Variants in RIMS1 observed in about 807,000 individuals in gnomAD.
RIMS1 encodes regulating synaptic membrane exocytosis protein 1.
A neutral mutation model predicts 214.1 loss-of-function variants in RIMS1; 83 were observed. The ratio of observed to expected loss-of-function variants is 0.39; its 90% CI spans 0.32 to 0.47. RIMS1 has a LOEUF of 0.47. RIMS1 is among the 20% of genes least tolerant of loss of function. The pLI is 0.99. For missense variants in RIMS1, 2,050 were observed against 2,161.8 expected (o/e 0.95, Z 1.03); for synonymous variants, 793 against 786.8 (o/e 1.01, Z -0.13).
intron 29 of RIMS1, among the ~76,000 whole-genome samples, chr6:72,348,698 G>A (rs1467541626): frequency 3.3e-5 from 5 of 151,788 alleles, no homozygotes; most frequent in Admixed American, 2.0e-4. Context: ...CACTGTACCC[G>A]ATAGGTACTT....
intron 2 of RIMS1, among the ~76,000 whole-genome samples, chr6:72,007,755 G>A (rs1486789341): frequency 1.3e-5 from 2 of 152,148 alleles, no homozygotes; most frequent in East Asian, 1.9e-4. Context: ...GAAATGAAGC[G>A]AGAAGAGAAG....
rs577989932 is a variant in RIMS1, at chr6:71,899,663, C to T, written c.164+12476C>T. Among the ~76,000 whole-genome samples the T allele has an allele frequency of 2.0e-5, 3 of 152,226 alleles. No homozygotes were observed. In the East Asian group the frequency reaches 5.8e-4, roughly 29 times the overall value. ...ATTTGTATGATCTAGACATGACTTG[C>T]ATTACCTTTTGCACCCACAGCCCTT... is the stretch of plus-strand genomic sequence containing the variant. On this transcript the variant is annotated intron_variant, in intron 1 of 33. Coordinates refer to ENST00000521978, the MANE Select transcript of RIMS1 (RefSeq NM_014989.7).
chr6:72,122,371 A>T (rs953732533), intron 4 of RIMS1, among the ~76,000 whole-genome samples: 6 of 150,360 alleles, frequency 4.0e-5, no homozygotes, highest in Non-Finnish European at 7.4e-5. Flanking sequence ...CACCTGGCTA[A>T]TTTTTTTTGT....
At chr6:72,212,105 A>G (rs1329377169) in intron 6 of RIMS1, among the ~76,000 whole-genome samples, 3 of 152,134 alleles carry the variant, frequency 2.0e-5, no homozygotes, top group African/African-American at 4.8e-5. Context: ...ATCCAAAACA[A>G]TAATAACTAC....
chr6:72,072,681 CAA>C (rs996893036), intron 2 of RIMS1, among the ~76,000 whole-genome samples: 1 of 151,966 alleles, frequency 6.6e-6, no homozygotes, highest in African/African-American at 2.4e-5. Flanking sequence ...CAAAGATGAG[CAA>C]AAAAAGATTC....
intron 2 of RIMS1, among the ~76,000 whole-genome samples, chr6:72,078,736 C>G (rs555911482): frequency 6.6e-6 from 1 of 152,202 alleles, no homozygotes; most frequent in Admixed American, 6.5e-5. Flanking sequence ...TTCTCAGCAT[C>G]TGAACCAATT....
chr6:72,158,329 T>C (rs80330913), intron 4 of RIMS1, among the ~76,000 whole-genome samples: 2,076 of 141,288 alleles, frequency 0.015, 424 homozygotes, highest in Non-Finnish European at 0.024. Context: ...TCTTCTGTTA[T>C]GTTGAGAAGT....
chr6:72,051,231 G>T (rs185652947), intron 2 of RIMS1, among the ~76,000 whole-genome samples: 346 of 152,182 alleles, frequency 2.3e-3, no homozygotes, highest in Non-Finnish European at 2.5e-3. Context: ...TTTGAACTTG[G>T]CCCTGGAAAT....
intron 22 of RIMS1, among the ~76,000 whole-genome samples, chr6:72,269,505 A>G (rs542639961): frequency 6.6e-6 from 1 of 152,272 alleles, no homozygotes; most frequent in African/African-American, 2.4e-5. Context: ...TCAGGCCTAA[A>G]TTTCTAAATG....
intron 2 of RIMS1, among the ~76,000 whole-genome samples, chr6:71,982,738 C>T (rs1798818451): frequency 1.3e-5 from 2 of 152,072 alleles, no homozygotes; most frequent in African/African-American, 2.4e-5. Flanking sequence ...ATATTTCAGG[C>T]TCTCCTTTTT....
At chr6:72,107,433 T>C (rs893909365) in intron 4 of RIMS1, among the ~76,000 whole-genome samples, 1 of 152,088 alleles carries the variant, frequency 6.6e-6, no homozygotes, top group Non-Finnish European at 1.5e-5. Flanking sequence ...TGGTGGCAGG[T>C]GCCTGTACTA....
At chr6:71,937,092 C>T (rs889868590) in intron 1 of RIMS1, among the ~76,000 whole-genome samples, 1 of 151,694 alleles carries the variant, frequency 6.6e-6, no homozygotes, top group Non-Finnish European at 1.5e-5. Flanking sequence ...TCTGCTTCAA[C>T]TTACCTGTGT....
At chr6:72,332,426 A>T (rs1205607598) in intron 28 of RIMS1, among the ~76,000 whole-genome samples, 1 of 150,778 alleles carries the variant, frequency 6.6e-6, no homozygotes, top group Admixed American at 6.6e-5. Flanking sequence ...TCAGTAAACT[A>T]TCGCAAGGAC....
At chr6:71,897,405 C>T (rs1562144412) in intron 1 of RIMS1, among the ~76,000 whole-genome samples, 1 of 152,172 alleles carries the variant, frequency 6.6e-6, no homozygotes, top group Admixed American at 6.5e-5. Flanking sequence ...ACTTTGTAAT[C>T]TGGATCCTAC....
At chr6:72,042,758 T>C (rs2152092297) in intron 2 of RIMS1, among the ~76,000 whole-genome samples, 1 of 151,858 alleles carries the variant, frequency 6.6e-6, no homozygotes, top group South Asian at 2.1e-4. Context: ...TCTAATGGAG[T>C]TGCCTTTCCC....
chr6:72,234,104 A>G (rs1379482526), intron 7 of RIMS1, among the ~76,000 whole-genome samples: 1 of 152,036 alleles, frequency 6.6e-6, no homozygotes, highest in Admixed American at 6.6e-5. Context: ...ACAAGTCAAC[A>G]TACAGAATCA....
intron 4 of RIMS1, among the ~76,000 whole-genome samples, chr6:72,118,243 A>T (rs1298566035): frequency 3.3e-5 from 5 of 151,634 alleles, no homozygotes; most frequent in African/African-American, 9.7e-5. Context: ...GAAACCCAGA[A>T]CAGATCAATA....
intron 1 of RIMS1, among the ~76,000 whole-genome samples, chr6:71,933,424 C>G (rs900905018): frequency 6.6e-6 from 1 of 152,062 alleles, no homozygotes; most frequent in Non-Finnish European, 1.5e-5. Context: ...AGTAGATGCT[C>G]TAATCTATAT....
At chr6:72,259,237 C>G in intron 18 of RIMS1, 126 bp downstream of exon 18, 1 of 628,686 alleles carries the variant, frequency 1.6e-6, no homozygotes, top group Non-Finnish European at 2.6e-6. Flanking sequence ...TGCTCTCAAG[C>G]AACAACTGTT....
Sources: allele counts gnomAD v4.1 joint callset (sites outside exome capture counted in the v4.1 genomes callset), GRCh38; gene constraint gnomAD v4.1.1; transcripts MANE v1.5; gene names NCBI Gene and HGNC (gene_info 2026-07-23, HGNC 2026-07-21).